The following CCSER1 variants were observed in gnomAD, a reference collection of about 807,000 sequenced individuals.
The protein encoded by CCSER1 is coiled-coil serine rich protein 1.
Under a neutral mutation model 82.0 loss-of-function variants are expected in CCSER1, and 41 were observed. The observed-to-expected ratio is 0.50, with a 90% confidence interval of 0.39 to 0.65. CCSER1 has a LOEUF of 0.65. Among genes scored for constraint, CCSER1 ranks in the 30% least tolerant of loss-of-function variants. The pLI, the probability that CCSER1 is intolerant of heterozygous loss-of-function variation, is 0.00. For missense variants in CCSER1, 1,119 were observed against 1,064.2 expected (o/e 1.05, Z -0.72); for synonymous variants, 414 against 383.9 (o/e 1.08, Z -0.92).
At chr4:91,385,764 G>C (rs946410434) in intron 10 of CCSER1, among the ~76,000 whole-genome samples, 1 of 151,790 alleles carries the variant, frequency 6.6e-6, no homozygotes, top group Non-Finnish European at 1.5e-5. Context: ...TAGTGGTATT[G>C]GTAAAGCAAT....
chr4:90,859,514 G>A (rs1383098395), intron 8 of CCSER1, among the ~76,000 whole-genome samples: 1 of 151,632 alleles, frequency 6.6e-6, no homozygotes, highest in African/African-American at 2.4e-5. Context: ...GTATTTAATT[G>A]TTTTCCTTGG....
chr4:90,399,301 A>G (rs1752464947), intron 3 of CCSER1, among the ~76,000 whole-genome samples: 1 of 152,104 alleles, frequency 6.6e-6, no homozygotes, highest in Admixed American at 6.5e-5. Flanking sequence ...CCTCTTGAAA[A>G]TAAAATAGGA....
intron 7 of CCSER1, among the ~76,000 whole-genome samples, chr4:90,790,173 AG>A (rs202176295): frequency 0.011 from 1,645 of 152,288 alleles, 12 homozygotes; most frequent in Middle Eastern, 0.02. Flanking sequence ...CCTTTTTAAC[AG>A]TCTTTAGCCT....
At chr4:91,322,564 A>G (rs75469694) in intron 10 of CCSER1, among the ~76,000 whole-genome samples, 12,816 of 152,088 alleles carry the variant, frequency 0.084, 783 homozygotes, top group East Asian at 0.21. Flanking sequence ...ATTCAACACA[A>G]TAACTAGCAC....
chr4:90,665,833 G>T (rs1731666940), intron 6 of CCSER1, among the ~76,000 whole-genome samples: 1 of 152,140 alleles, frequency 6.6e-6, no homozygotes, highest in Admixed American at 6.5e-5. Flanking sequence ...GGTTTCTCTG[G>T]TGCAAATCTC....
rs142322352 is a variant in CCSER1 at position 91,334,069 on chromosome 4, T to C, written c.2217+248075T>C. Among the ~76,000 whole-genome samples the C allele has an allele frequency of 6.3e-3, 961 of 152,208 alleles. 10 individuals are homozygous for C. The highest frequency in any genetic ancestry group is 0.022 in the African/African-American group (903 of 41,564). Reference sequence around the variant, plus strand: ...TGAACAATTTAAACACTTTAAAAAGTTATACTAAAAAATTCAGTGTTATTT... The same window carrying C: ...TGAACAATTTAAACACTTTAAAAAGCTATACTAAAAAATTCAGTGTTATTT... On this transcript the variant is annotated intron_variant, in intron 10 of 10. Coordinates refer to ENST00000509176, the MANE Select transcript of CCSER1 (RefSeq NM_001145065.2).
At chr4:91,427,422 C>T (rs1441239388) in intron 10 of CCSER1, among the ~76,000 whole-genome samples, 3 of 152,012 alleles carry the variant, frequency 2.0e-5, no homozygotes, top group Non-Finnish European at 2.9e-5. Context: ...CAAACTTGTA[C>T]GATCATGAGT....
chr4:91,122,430 C>T (rs991734347), intron 10 of CCSER1, among the ~76,000 whole-genome samples: 2 of 151,538 alleles, frequency 1.3e-5, no homozygotes, highest in East Asian at 3.9e-4. Context: ...TTTTTTCTGA[C>T]CCTTCCACAT....
intron 1 of CCSER1, among the ~76,000 whole-genome samples, chr4:90,301,725 G>T (rs899359882): frequency 6.6e-6 from 1 of 152,060 alleles, no homozygotes; most frequent in South Asian, 2.1e-4. Flanking sequence ...TCTGAATTGA[G>T]AAATATTAGA....
chr4:90,779,056 T>C (rs1479545241), intron 7 of CCSER1, among the ~76,000 whole-genome samples: 4 of 152,172 alleles, frequency 2.6e-5, no homozygotes, highest in Non-Finnish European at 5.9e-5. Context: ...TGGATCTTCC[T>C]TTCAGATTTA....
chr4:90,803,324 C>T (rs889919079), intron 7 of CCSER1, among the ~76,000 whole-genome samples: 6 of 151,990 alleles, frequency 3.9e-5, no homozygotes, highest in African/African-American at 7.2e-5. Context: ...CAACCTGTCA[C>T]GTACTTTAGG....
At chr4:90,702,006 C>T (rs1738248871) in intron 6 of CCSER1, among the ~76,000 whole-genome samples, 1 of 152,110 alleles carries the variant, frequency 6.6e-6, no homozygotes, top group Non-Finnish European at 1.5e-5. Flanking sequence ...ACTTCCAACG[C>T]TACATTGAAT....
chr4:90,916,102 T>C (rs1379532452), intron 8 of CCSER1, among the ~76,000 whole-genome samples: 1 of 152,166 alleles, frequency 6.6e-6, no homozygotes, highest in East Asian at 1.9e-4. Context: ...AGGTAATTTA[T>C]AGATTCAATG....
At chr4:90,371,805 C>T (rs141045216) in intron 3 of CCSER1, among the ~76,000 whole-genome samples, 1 of 152,162 alleles carries the variant, frequency 6.6e-6, no homozygotes, top group Non-Finnish European at 1.5e-5. Context: ...TTGATGAGAG[C>T]CATGGGAAAA....
At chr4:90,726,117 A>T (rs923045531) in intron 7 of CCSER1, among the ~76,000 whole-genome samples, 2 of 152,092 alleles carry the variant, frequency 1.3e-5, no homozygotes, top group East Asian at 3.9e-4. Context: ...TCTTCTGGGA[A>T]GTAATTAGAT....
At chr4:90,260,523 T>C (rs1724127064) in intron 1 of CCSER1, among the ~76,000 whole-genome samples, 1 of 152,170 alleles carries the variant, frequency 6.6e-6, no homozygotes, top group Non-Finnish European at 1.5e-5. Flanking sequence ...CTTTGTCTTT[T>C]TTTTACTAGT....
At chr4:90,863,311 A>G (rs1235136982) in intron 8 of CCSER1, among the ~76,000 whole-genome samples, 3 of 151,944 alleles carry the variant, frequency 2.0e-5, no homozygotes, top group Non-Finnish European at 2.9e-5. Context: ...TATTTTATTA[A>G]CATCTTTTTC....
At chr4:90,458,530 T>C (rs189550382) in intron 4 of CCSER1, among the ~76,000 whole-genome samples, 4 of 151,908 alleles carry the variant, frequency 2.6e-5, no homozygotes, top group Admixed American at 1.3e-4. Flanking sequence ...TTTTTTTTTA[T>C]TTTGAGTAGA....
intron 10 of CCSER1, among the ~76,000 whole-genome samples, chr4:91,375,372 A>G (rs1204671809): frequency 6.6e-6 from 1 of 152,230 alleles, no homozygotes; most frequent in African/African-American, 2.4e-5. Context: ...AACTTAGTTG[A>G]TAAAGCAGCA....
Sources: allele counts gnomAD v4.1 joint callset (sites outside exome capture counted in the v4.1 genomes callset), GRCh38; gene constraint gnomAD v4.1.1; transcripts MANE v1.5; gene names NCBI Gene and HGNC (gene_info 2026-07-23, HGNC 2026-07-21).